The following PRR16 variants were observed in gnomAD, a reference collection of about 807,000 sequenced individuals.
The protein encoded by PRR16 is proline rich 16, also known as protein Largen.
In PRR16, 6 loss-of-function variants were observed where a neutral mutation model predicts 18.2. The observed-to-expected ratio is 0.33, with a 90% CI of 0.18 to 0.65. The LOEUF (loss-of-function observed/expected upper bound fraction) is 0.65. Ranked by LOEUF, PRR16 falls within the 30% of genes least tolerant of loss-of-function variation. PRR16 has a pLI of 0.74. For synonymous variants in PRR16, 151 were observed against 147.8 expected (o/e 1.02, Z -0.16); for missense variants, 412 against 376.6 (o/e 1.09, Z -0.78).
intron 1 of PRR16, among the ~76,000 whole-genome samples, chr5:120,685,161 A>G (rs1285879138): frequency 6.6e-6 from 1 of 152,112 alleles, no homozygotes; most frequent in Non-Finnish European, 1.5e-5. Context: ...GTTCTGCTTT[A>G]TAAGGGAGAA....
the PRR16 span, among the ~76,000 whole-genome samples, chr5:120,767,394 A>AT: frequency 6.6e-6 from 1 of 151,912 alleles, no homozygotes; most frequent in African/African-American, 2.4e-5. Context: ...CTCCAATAAA[A>AT]TACTGTATTT....
intron 1 of PRR16, among the ~76,000 whole-genome samples, chr5:120,529,391 T>C (rs1751472643): frequency 6.6e-6 from 1 of 152,184 alleles, no homozygotes; most frequent in Non-Finnish European, 1.5e-5. Flanking sequence ...ACAACTCAAA[T>C]CATGTTTTAG....
intron 1 of PRR16, among the ~76,000 whole-genome samples, chr5:120,684,782 G>A (rs1043561954): frequency 6.6e-6 from 1 of 152,154 alleles, no homozygotes; most frequent in African/African-American, 2.4e-5. Context: ...AGACTCCCCA[G>A]TATCCTTGCC....
At chr5:120,595,354 A>G (rs1753765497) in intron 1 of PRR16, among the ~76,000 whole-genome samples, 1 of 152,052 alleles carries the variant, frequency 6.6e-6, no homozygotes, top group Non-Finnish European at 1.5e-5. Context: ...GCTCAACATT[A>G]CTAATCATTA....
chr5:120,723,346 G>A, the PRR16 span, among the ~76,000 whole-genome samples: 348 of 151,922 alleles, frequency 2.3e-3, 2 homozygotes, highest in African/African-American at 7.2e-3. Flanking sequence ...TTTATAAAAC[G>A]TAAAACCACA....
intron 1 of PRR16, among the ~76,000 whole-genome samples, chr5:120,475,848 G>T (rs144364365): frequency 6.6e-6 from 1 of 152,024 alleles, no homozygotes; most frequent in African/African-American, 2.4e-5. Flanking sequence ...AGCCCCTGCC[G>T]TCTTGGAACT....
chr5:120,748,045 A>G, the PRR16 span, among the ~76,000 whole-genome samples: 13 of 152,052 alleles, frequency 8.5e-5, no homozygotes, highest in Non-Finnish European at 1.5e-4. Context: ...AAAAATGTGA[A>G]TGATCCGTGC....
At chr5:120,671,174 C>A (rs1756589723) in intron 1 of PRR16, among the ~76,000 whole-genome samples, 1 of 152,116 alleles carries the variant, frequency 6.6e-6, no homozygotes, top group East Asian at 1.9e-4. Flanking sequence ...ATTCCTAGAA[C>A]TCTCATTTAA....
chr5:120,789,552 G>C, the PRR16 span, among the ~76,000 whole-genome samples: 16 of 152,178 alleles, frequency 1.1e-4, no homozygotes, highest in Non-Finnish European at 2.2e-4. Context: ...ACATTATACA[G>C]TGTTGTGAAA....
chr5:120,472,688 A>T (rs958256119), intron 1 of PRR16, among the ~76,000 whole-genome samples: 1 of 152,178 alleles, frequency 6.6e-6, no homozygotes, highest in African/African-American at 2.4e-5. Flanking sequence ...AAAAAAAAGA[A>T]ATACTGATGG....
At chr5:120,605,185 A>G (rs758570558) in intron 1 of PRR16, among the ~76,000 whole-genome samples, 5 of 152,136 alleles carry the variant, frequency 3.3e-5, no homozygotes, top group African/African-American at 7.2e-5. Flanking sequence ...AGGAATCCCA[A>G]TGAGTTATAG....
intron 1 of PRR16, among the ~76,000 whole-genome samples, chr5:120,525,099 T>C (rs1413591187): frequency 6.6e-6 from 1 of 152,078 alleles, no homozygotes. Context: ...AGTCACTCTT[T>C]CTTATGAGAG....
the PRR16 span, among the ~76,000 whole-genome samples, chr5:120,729,502 C>T: frequency 2.6e-5 from 4 of 152,010 alleles, no homozygotes; most frequent in Admixed American, 6.6e-5. Flanking sequence ...GCCAACATGG[C>T]GCTAATAAAT....
intron 1 of PRR16, among the ~76,000 whole-genome samples, chr5:120,539,906 CTA>C (rs1383007725): frequency 2.0e-5 from 3 of 151,706 alleles, no homozygotes; most frequent in Non-Finnish European, 4.4e-5. Context: ...TTTTTAGAGT[CTA>C]TTGTGTTTTA....
intron 1 of PRR16, among the ~76,000 whole-genome samples, chr5:120,646,704 G>A (rs1294353262): frequency 6.6e-6 from 1 of 152,030 alleles, no homozygotes; most frequent in Non-Finnish European, 1.5e-5. Flanking sequence ...CTCCTGACTA[G>A]AGGCTGTATC....
chr5:120,765,664 G>T, the PRR16 span, among the ~76,000 whole-genome samples: 1 of 151,782 alleles, frequency 6.6e-6, no homozygotes, highest in Non-Finnish European at 1.5e-5. Context: ...CCTATCATCA[G>T]TTTACAACTC....
chr5:120,654,843 G>C (rs1755911645), intron 1 of PRR16, among the ~76,000 whole-genome samples: 2 of 151,456 alleles, frequency 1.3e-5, no homozygotes, highest in African/African-American at 4.8e-5. Flanking sequence ...GAAAAAATGA[G>C]GGAAAAAAAG....
At chr5:120,523,230 C>A (rs1751244445) in intron 1 of PRR16, among the ~76,000 whole-genome samples, 2 of 152,124 alleles carry the variant, frequency 1.3e-5, no homozygotes, top group South Asian at 4.1e-4. Context: ...CGGTTCTGAT[C>A]TAATTTTAAT....
chr5:120,584,293 T>C (rs1160839719), intron 1 of PRR16, among the ~76,000 whole-genome samples: 2 of 152,196 alleles, frequency 1.3e-5, no homozygotes, highest in African/African-American at 4.8e-5. Context: ...AGAACTATCT[T>C]AGAGACTTGG....
Sources: allele counts gnomAD v4.1 joint callset (sites outside exome capture counted in the v4.1 genomes callset), GRCh38; gene constraint gnomAD v4.1.1; transcripts MANE v1.5; gene names NCBI Gene and HGNC (gene_info 2026-07-23, HGNC 2026-07-21).